Variants in CMTM8 observed in about 807,000 individuals in gnomAD.
CMTM8 encodes CKLF-like MARVEL transmembrane domain-containing protein 8.
CMTM8 carries 12 observed loss-of-function variants against 18.6 expected under a neutral mutation model. The ratio of observed to expected loss-of-function variants is 0.65; its 90% CI spans 0.41 to 1.05. The LOEUF (loss-of-function observed/expected upper bound fraction) is 1.05, where lower values mean the gene tolerates loss of function less well. Ranked by LOEUF, CMTM8 falls within the 50% of genes least tolerant of loss-of-function variation. The probability of loss-of-function intolerance (pLI) is 0.00; values close to 1 mark genes in which losing one functional copy is unlikely to be tolerated. For missense variants in CMTM8, 217 were observed against 227.2 expected (o/e 0.95, Z 0.29); for synonymous variants, 87 against 90.6 (o/e 0.96, Z 0.23).
chr3:32,270,376 A>G (rs891435791), intron 1 of CMTM8, among the ~76,000 whole-genome samples: 18 of 152,218 alleles, frequency 1.2e-4, no homozygotes, highest in Admixed American at 2.0e-4. Flanking sequence ...CTGGGTATAT[A>G]CCCAAAGGAG....
intron 1 of CMTM8, among the ~76,000 whole-genome samples, chr3:32,292,015 A>C (rs1467862075): frequency 1.3e-5 from 2 of 152,160 alleles, no homozygotes; most frequent in African/African-American, 4.8e-5. Flanking sequence ...TATCTACTTG[A>C]ACTCTTCCTA....
At chr3:32,346,189 G>A (rs60841426) in intron 1 of CMTM8, among the ~76,000 whole-genome samples, 12,325 of 152,078 alleles carry the variant, frequency 0.081, 596 homozygotes, top group East Asian at 0.18. Flanking sequence ...CTAGAAATCA[G>A]CTGACATCAG....
intron 2 of CMTM8, among the ~76,000 whole-genome samples, chr3:32,360,819 A>G (rs1165163158): frequency 6.6e-6 from 1 of 152,232 alleles, no homozygotes; most frequent in African/African-American, 2.4e-5. Context: ...TCTGATTTGT[A>G]CTGACTGAAT....
At chr3:32,357,315 T>C (rs890352775) in intron 1 of CMTM8, 58 bp from the exon 2 acceptor site, 50 of 1,294,750 alleles carry the variant, frequency 3.9e-5, no homozygotes, top group Non-Finnish European at 5.1e-5. Flanking sequence ...CCTCCTTCCT[T>C]CTTTTTCTTT....
At chr3:32,321,503 C>T (rs1175137689) in intron 1 of CMTM8, among the ~76,000 whole-genome samples, 1 of 152,150 alleles carries the variant, frequency 6.6e-6, no homozygotes, top group Non-Finnish European at 1.5e-5. Flanking sequence ...CCCCCAGACT[C>T]CATTTGTTGT....
rs1417019162 is a variant in CMTM8 at position 32,334,158 on chromosome 3, A to G, written c.148-23215A>G. Among the ~76,000 whole-genome samples, 4 of 151,638 alleles carry G rather than the reference A, an allele frequency of 2.6e-5. No individual in the cohort carries two copies. In the South Asian group the frequency reaches 8.3e-4, roughly 32 times the overall value. The stretch of plus-strand genomic sequence containing the variant: ...CATGCCCAGCTAATTTTGTATTTTC[A>G]GTAGAGATGGGGTTTCACCATCTTG... On this transcript the variant is annotated intron_variant, in intron 1 of 3. Transcript: ENST00000307526.
chr3:32,346,623 C>G (rs1696600812), intron 1 of CMTM8, among the ~76,000 whole-genome samples: 1 of 151,944 alleles, frequency 6.6e-6, no homozygotes, highest in Admixed American at 6.6e-5. Context: ...TCTTGGTGTC[C>G]CTTTTTATAA....
At chr3:32,331,724 A>T (rs760748302) in intron 1 of CMTM8, among the ~76,000 whole-genome samples, 7 of 152,226 alleles carry the variant, frequency 4.6e-5, no homozygotes, top group Non-Finnish European at 8.8e-5. Flanking sequence ...AAATTCTGTC[A>T]TATGCTACAC....
chr3:32,352,219 GA>G (rs58232920), intron 1 of CMTM8, among the ~76,000 whole-genome samples: 73,619 of 139,288 alleles, frequency 0.53, 19,933 homozygotes, highest in Non-Finnish European at 0.61. Flanking sequence ...AAAAAAAAAA[GA>G]AAAAAAACTA....
intron 1 of CMTM8, among the ~76,000 whole-genome samples, chr3:32,345,970 C>A (rs1457641866): frequency 6.6e-6 from 1 of 152,194 alleles, no homozygotes; most frequent in Non-Finnish European, 1.5e-5. Flanking sequence ...GCCCAACCAA[C>A]ATGGTGAAAC....
chr3:32,348,325 C>A (rs905587788), intron 1 of CMTM8, among the ~76,000 whole-genome samples: 5 of 152,020 alleles, frequency 3.3e-5, no homozygotes, highest in African/African-American at 9.7e-5. Context: ...GTTTAAAGAA[C>A]CTTCTCTTTG....
intron 1 of CMTM8, among the ~76,000 whole-genome samples, chr3:32,250,345 A>C (rs543091215): frequency 2.0e-5 from 3 of 152,236 alleles, no homozygotes; most frequent in South Asian, 2.1e-4. Context: ...TGTTTTGGCT[A>C]TTCTGGGCCC....
intron 1 of CMTM8, among the ~76,000 whole-genome samples, chr3:32,300,697 G>A (rs554824134): frequency 3.9e-5 from 6 of 152,108 alleles, no homozygotes; most frequent in Admixed American, 6.5e-5. Flanking sequence ...GGTGGTTCAC[G>A]CCTGTAATCC....
chr3:32,280,727 T>C (rs886592265), intron 1 of CMTM8, among the ~76,000 whole-genome samples: 1 of 151,094 alleles, frequency 6.6e-6, no homozygotes, highest in African/African-American at 2.4e-5. Context: ...CCGTCACTGG[T>C]AACATAAGTA....
rs535225030 is a variant in CMTM8 at position 32,288,694 on chromosome 3, A to G, written c.147+49575A>G. 1.9e-3 allele frequency among the ~76,000 whole-genome samples: 290 copies of G among 152,118 alleles called. 1 individual carries two copies. Among genetic ancestry groups the G allele is most frequent in the Middle Eastern group, 0.014 (4 of 294 alleles). ...TTTTTGTATTTTTAGTAGAGACGGC[A>G]TTTCACCATGTTAGCCAGGATGTTC... On this transcript the variant is annotated intron_variant, in intron 1 of 3. Transcript: ENST00000307526.
intron 1 of CMTM8, chr3:32,243,765 A>G (rs948882953): frequency 6.6e-6 from 1 of 152,358 alleles, no homozygotes; most frequent in Non-Finnish European, 1.5e-5. Flanking sequence ...TTCAATTCGA[A>G]AGTATCTCAT....
At chr3:32,300,292 G>A (rs935526773) in intron 1 of CMTM8, among the ~76,000 whole-genome samples, 62 of 152,344 alleles carry the variant, frequency 4.1e-4, no homozygotes, top group African/African-American at 1.4e-3. Flanking sequence ...CAGGTATGGG[G>A]CAGGACCCTT....
chr3:32,313,410 C>G lies in CMTM8; in HGVS notation c.148-43963C>G, dbSNP rs13058766. 4.6e-5 allele frequency among the ~76,000 whole-genome samples: 7 copies of G among 152,134 alleles called. No individual in the cohort carries two copies. The East Asian group carries it at 1.2e-3, about 25-fold the overall frequency. On this transcript the variant is annotated intron_variant, in intron 1 of 3. Transcript: ENST00000307526. ...GTGAGGTGGAGAGCCTGTTAGCAGG[C>G]TCCCACCTCAGCCTCCTGTGTAGCT...
chr3:32,340,979 T>C (rs1196438781), intron 1 of CMTM8, among the ~76,000 whole-genome samples: 1 of 152,246 alleles, frequency 6.6e-6, no homozygotes, highest in African/African-American at 2.4e-5. Context: ...ATATCACCTT[T>C]CTTGCAAGAT....
Sources: gnomAD v4.1 joint callset for allele counts (sites outside exome capture counted in the v4.1 genomes callset) on GRCh38, gnomAD v4.1.1 for gene constraint, MANE v1.5 for transcripts, NCBI Gene and HGNC (gene_info 2026-07-23, HGNC 2026-07-21) for gene names.